Variants in ADGB observed in about 807,000 individuals in gnomAD.
ADGB encodes the protein androglobin.
Under a neutral mutation model 210.5 loss-of-function variants are expected in ADGB, and 172 were observed. The observed-to-expected ratio is 0.82, with a 90% confidence interval of 0.72 to 0.93. The LOEUF (loss-of-function observed/expected upper bound fraction) is 0.93. Among genes scored for constraint, ADGB ranks in the 40% least tolerant of loss-of-function variants. ADGB has a pLI of 0.00. For synonymous variants in ADGB, 658 were observed against 662.7 expected (o/e 0.99, Z 0.11); for missense variants, 2,025 against 1,964.8 (o/e 1.03, Z -0.58).
At chr6:146,733,774 T>A (rs1289984944) in intron 21 of ADGB, 119 bp from the exon 22 acceptor site, 1 of 1,082,198 alleles carries the variant, frequency 9.2e-7, no homozygotes, top group Admixed American at 2.5e-5. Flanking sequence ...TTAAATATGA[T>A]GCTAACTCTT....
At chr6:146,785,371 A>G (rs1433275601) in intron 31 of ADGB, among the ~76,000 whole-genome samples, 1 of 152,156 alleles carries the variant, frequency 6.6e-6, no homozygotes, top group East Asian at 1.9e-4. Context: ...ATGCCCAGAA[A>G]TGTATTCTTT....
intron 9 of ADGB, among the ~76,000 whole-genome samples, chr6:146,678,339 G>T (rs1038585899): frequency 2.0e-5 from 3 of 152,100 alleles, no homozygotes; most frequent in Admixed American, 6.6e-5. Context: ...CGATTCTTGT[G>T]CCTCAACCTC....
chr6:146,629,377 T>C (rs1320226625), intron 1 of ADGB, among the ~76,000 whole-genome samples: 1 of 152,176 alleles, frequency 6.6e-6, no homozygotes, highest in African/African-American at 2.4e-5. Context: ...CTGTAGGTGA[T>C]CTATTGGGCT....
chr6:146,645,396 A>G (rs1488563254), intron 3 of ADGB, among the ~76,000 whole-genome samples: 1 of 152,006 alleles, frequency 6.6e-6, no homozygotes, highest in Non-Finnish European at 1.5e-5. Context: ...TTTAAATAGC[A>G]CTTATAGAGA....
intron 27 of ADGB, among the ~76,000 whole-genome samples, chr6:146,757,342 C>G (rs967104191): frequency 2.0e-5 from 3 of 151,690 alleles, no homozygotes; most frequent in African/African-American, 7.3e-5. Flanking sequence ...TTTACACATT[C>G]TAATTAATAT....
intron 2 of ADGB, among the ~76,000 whole-genome samples, chr6:146,636,155 G>A (rs544602580): frequency 6.6e-6 from 1 of 152,154 alleles, no homozygotes; most frequent in East Asian, 1.9e-4. Context: ...CTTCAAAGTT[G>A]AGGCTATGGG....
In ADGB at chr6:146,656,974, C is replaced by G; in HGVS notation, c.606C>G (p.Tyr202Ter). The G allele has an allele frequency of 6.5e-7, 1 of 1,549,790 alleles. No homozygotes were observed. Among genetic ancestry groups the G allele is most frequent in the Non-Finnish European group, 8.7e-7 (1 of 1,145,564 alleles). Residue 202 changes from tyrosine (Y) to a stop codon, truncating the protein, a stop_gained, in exon 5 of 36, where the codon TAC becomes TAG. Transcript: ENST00000397944. LOFTEE classifies it high-confidence loss of function. Reference sequence around the variant, plus strand: ...ATGGAAAGTATGTTGTGAAACTTTACTGGATGGTAAGTCCATTTTCGTGTG... The same window carrying G: ...ATGGAAAGTATGTTGTGAAACTTTAGTGGATGGTAAGTCCATTTTCGTGTG... ...NSYGKYVVKL[Y>*]WMGCWRKITI...
rs377327195 is a variant in ADGB, at chr6:146,745,997, A to G, written c.3253A>G (p.Ile1085Val). Reference protein sequence around the residue: ...VAASRWKLRLIGSSAPLPCLS... With the variant: ...VAASRWKLRLVGSSAPLPCLS... The stretch of plus-strand genomic sequence containing the variant: ...AGCCTCACGATGGAAACTGCGTCTC[A>G]TCGGTTCTTCTGCTCCACTGCCATG... The change falls in exon 26 of 36, where the codon ATC (isoleucine) becomes GTC (valine). Residue 1085 changes from isoleucine to valine, a missense_variant. Ile to Val is a conservative substitution (Grantham distance 29). Coordinates refer to ENST00000397944, the MANE Select transcript of ADGB (RefSeq NM_024694.4). 6.4e-7 allele frequency: 1 copy of G among 1,550,872 alleles called. No individual in the cohort carries two copies. Among genetic ancestry groups the G allele is most frequent in the Non-Finnish European group, 8.7e-7 (1 of 1,146,350 alleles).
In ADGB at chr6:146,758,461, T is replaced by C. The variant is rs182520882; in HGVS notation, c.3551-5440T>C. 3.3e-5 allele frequency among the ~76,000 whole-genome samples: 5 copies of C among 152,148 alleles called. No homozygotes were observed. The East Asian group carries it at 9.6e-4, about 29-fold the overall frequency. On this transcript the variant is annotated intron_variant, in intron 27 of 35. Coordinates refer to ENST00000397944, the MANE Select transcript of ADGB (RefSeq NM_024694.4). ...TCTTGCAGGTAACACTGTTTATAGTTTGTCATCTAGTTTAATCATTATTTC... is the reference window on the plus strand; with the variant it reads ...TCTTGCAGGTAACACTGTTTATAGTCTGTCATCTAGTTTAATCATTATTTC...
intron 30 of ADGB, among the ~76,000 whole-genome samples, chr6:146,783,428 A>T (rs1777829627): frequency 6.6e-6 from 1 of 152,202 alleles, no homozygotes; most frequent in Non-Finnish European, 1.5e-5. Flanking sequence ...ATAGATTCCT[A>T]CAAGAAGACC....
In ADGB at chr6:146,785,723, C is replaced by T; in HGVS notation, c.4315+11C>T. The T allele has an allele frequency of 1.3e-6, 2 of 1,531,202 alleles. No individual in the cohort carries two copies. The highest frequency in any genetic ancestry group is 8.9e-7 in the Non-Finnish European group (1 of 1,129,212). 94.9% of individuals were successfully genotyped at this position (1,531,202 alleles called of 1,614,324 possible). On this transcript the variant is annotated intron_variant, in intron 32 of 35. Coordinates refer to ENST00000397944, the MANE Select transcript of ADGB (RefSeq NM_024694.4). Reference sequence around the variant, plus strand: ...AACCAAAAGAAGAAGGTGAGTGGATCCTACCACCCCAGCTGCCTCAGAGCA... The same window carrying T: ...AACCAAAAGAAGAAGGTGAGTGGATTCTACCACCCCAGCTGCCTCAGAGCA...
At position 146,687,619 on chromosome 6, in the gene ADGB, G is replaced by A. The variant is rs1255114427; in HGVS notation, c.1311+1791G>A. On this transcript the variant is annotated intron_variant, in intron 10 of 35. Transcript: ENST00000397944. ...TGAGAACACATGGACACAGAGAGGGGAACAACACACAACAGGGCCTGTTGT... is the reference window on the plus strand; with the variant it reads ...TGAGAACACATGGACACAGAGAGGGAAACAACACACAACAGGGCCTGTTGT... Among the ~76,000 whole-genome samples the A allele has an allele frequency of 2.6e-5, 4 of 151,914 alleles. No homozygotes were observed. In the East Asian group the frequency reaches 7.8e-4, roughly 30 times the overall value.
chr6:146,728,518 A>G (rs972570565), intron 19 of ADGB, 56 bp from the exon 20 acceptor site: 1 of 1,468,900 alleles, frequency 6.8e-7, no homozygotes, highest in African/African-American at 1.4e-5. Context: ...TAATTTGTAT[A>G]AACTAGATGA....
chr6:146,639,475 T>C (rs1377811662), intron 2 of ADGB, among the ~76,000 whole-genome samples: 1 of 151,980 alleles, frequency 6.6e-6, no homozygotes, highest in Non-Finnish European at 1.5e-5. Context: ...ATTACAAAGA[T>C]GCTTTCTCTC....
At position 146,815,123 on chromosome 6, in the gene ADGB, C is replaced by T; in HGVS notation, c.4910C>T (p.Thr1637Ile). 2 of 1,548,298 alleles carry T rather than the reference C, an allele frequency of 1.3e-6. No individual in the cohort carries two copies. The highest frequency in any genetic ancestry group is 1.7e-6 in the Non-Finnish European group (2 of 1,146,180). The change falls in exon 36 of 36, where the codon ACT (threonine) becomes ATT (isoleucine). Residue 1637 changes from threonine (T) to isoleucine (I), a missense_variant. Thr to Ile is a moderately conservative substitution (Grantham distance 89, BLOSUM62 -1). Transcript: ENST00000397944. ...LLEAEHLKLE[T>I]LAAQEAAMKL... ...GAAGCTGAGCACCTAAAGCTGGAAA[C>T]TCTGGCTGCTCAGGAAGCAGCCATG...
chr6:146,661,220 C>CTTTTTTT (rs5880682), intron 5 of ADGB, among the ~76,000 whole-genome samples: 12 of 116,056 alleles, frequency 1.0e-4, no homozygotes, highest in Non-Finnish European at 1.5e-4. Flanking sequence ...TTCTTTTTTT[C>CTTTTTTT]TTTTTTTTTT....
Position 146,788,577 on chromosome 6 carries a change from G to A in ADGB, c.4504G>A (p.Glu1502Lys). 2 of 1,551,776 alleles carry A rather than the reference G, an allele frequency of 1.3e-6. No homozygotes were observed. Among genetic ancestry groups the A allele is most frequent in the Non-Finnish European group, 8.7e-7 (1 of 1,146,954 alleles). Residue 1502 changes from glutamate (E) to lysine (K), a missense_variant, in exon 33 of 36, where the codon GAG becomes AAG. Physicochemically the swap from Glu to Lys is moderately conservative, Grantham distance 56. Coordinates refer to ENST00000397944, the MANE Select transcript of ADGB (RefSeq NM_024694.4). The part of the protein sequence containing the change: ...SGGVSSPGKE[E>K]REQSTRKENI... ...AGGAGTGTCTTCACCAGGGAAAGAAGAGCGCGAGCAGAGCACACGGAAGGA... is the reference window on the plus strand; with the variant it reads ...AGGAGTGTCTTCACCAGGGAAAGAAAAGCGCGAGCAGAGCACACGGAAGGA...
At chr6:146,655,671 T>C (rs1583576894) in intron 4 of ADGB, among the ~76,000 whole-genome samples, 1 of 152,182 alleles carries the variant, frequency 6.6e-6, no homozygotes, top group African/African-American at 2.4e-5. Context: ...TATCTCCAAA[T>C]AATTTTATGT....
intron 27 of ADGB, among the ~76,000 whole-genome samples, chr6:146,756,385 G>T (rs1777406635): frequency 6.6e-6 from 1 of 152,046 alleles, no homozygotes; most frequent in Admixed American, 6.6e-5. Flanking sequence ...CTAACGTCGG[G>T]TAAGAATCCC....
Sources: allele counts gnomAD v4.1 joint callset (sites outside exome capture counted in the v4.1 genomes callset), GRCh38; gene constraint gnomAD v4.1.1; transcripts MANE v1.5; gene names NCBI Gene and HGNC (gene_info 2026-07-23, HGNC 2026-07-21).